Variants in ACO2 observed in about 807,000 individuals in gnomAD.
The protein encoded by ACO2 is aconitate hydratase, mitochondrial.
In ACO2, 31 loss-of-function variants were observed where a neutral mutation model predicts 84.5. The observed-to-expected ratio is 0.37, with a 90% CI of 0.28 to 0.50. The LOEUF (loss-of-function observed/expected upper bound fraction) is 0.50. ACO2 is among the 20% of genes least tolerant of loss of function. The probability of loss-of-function intolerance (pLI) is 0.97; values close to 1 mark genes in which losing one functional copy is unlikely to be tolerated. For synonymous variants in ACO2, 414 were observed against 412.7 expected, an observed-to-expected ratio of 1.00 and a Z score of -0.04; for missense variants, 685 against 1,029.3, an observed-to-expected ratio of 0.67 and a Z score of 4.58.
chr22:41,501,437 C>A (rs1054618474), intron 2 of ACO2, among the ~76,000 whole-genome samples: 1 of 152,288 alleles, frequency 6.6e-6, no homozygotes, highest in Middle Eastern at 3.4e-3. Flanking sequence ...GAATAAGGTA[C>A]CACAGAGGAT....
chr22:41,502,702 A>C (rs1280260532), intron 2 of ACO2, among the ~76,000 whole-genome samples: 1 of 152,106 alleles, frequency 6.6e-6, no homozygotes, highest in Non-Finnish European at 1.5e-5. Flanking sequence ...TCCACCTCCC[A>C]GGCTCAAGCG....
intron 4 of ACO2, among the ~76,000 whole-genome samples, chr22:41,512,800 G>C (rs555213652): frequency 6.6e-6 from 1 of 152,282 alleles, no homozygotes; most frequent in African/African-American, 2.4e-5. Flanking sequence ...TCCTGGGGAG[G>C]TGGGTGCTTC....
chr22:41,512,361 A>G (rs1396490249), intron 4 of ACO2: 8 of 182,794 alleles, frequency 4.4e-5, no homozygotes, highest in Non-Finnish European at 9.1e-5. Flanking sequence ...ATGAGCCCAT[A>G]CTGTGTCTCA....
chr22:41,525,476 G>A, intron 14 of ACO2, 128 bp downstream of exon 14: 2 of 1,224,816 alleles, frequency 1.6e-6, no homozygotes, highest in East Asian at 2.5e-5. Context: ...TGGAAGGGAG[G>A]TTTGGCTGCA....
chr22:41,506,920 G>T, intron 2 of ACO2, among the ~76,000 whole-genome samples: 1 of 151,964 alleles, frequency 6.6e-6, no homozygotes, highest in Admixed American at 6.5e-5. Flanking sequence ...TGTGGGTGCA[G>T]CCGGGAGTCA....
At chr22:41,481,103 C>T (rs2038082015) in intron 1 of ACO2, among the ~76,000 whole-genome samples, 1 of 152,084 alleles carries the variant, frequency 6.6e-6, no homozygotes, top group Non-Finnish European at 1.5e-5. Flanking sequence ...TGAGCCATTA[C>T]CCTCGGCCAA....
At chr22:41,494,083 G>A (rs202612) in intron 1 of ACO2, among the ~76,000 whole-genome samples, 2,573 of 152,322 alleles carry the variant, frequency 0.017, 80 homozygotes, top group African/African-American at 0.057. Context: ...ACTGGATGTT[G>A]GGAACAGACA....
At chr22:41,527,564 G>C in intron 16 of ACO2, 144 bp downstream of exon 16, 4 of 1,188,438 alleles carry the variant, frequency 3.4e-6, no homozygotes, top group Non-Finnish European at 4.7e-6. Flanking sequence ...CCCTTCTTAG[G>C]CTCACACAGT....
chr22:41,469,324 G>T (rs777485981), intron 1 of ACO2, 142 bp downstream of exon 1: 2 of 1,017,052 alleles, frequency 2.0e-6, no homozygotes, highest in Non-Finnish European at 2.8e-6. Context: ...CCCGGCACCC[G>T]TGCCCGCTTC....
At chr22:41,508,131 G>T in intron 3 of ACO2, 82 bp downstream of exon 3, 3 of 1,498,350 alleles carry the variant, frequency 2.0e-6, no homozygotes, top group Middle Eastern at 1.8e-4. Flanking sequence ...GCAAACCAGG[G>T]CATTGCCTCC....
chr22:41,481,092 A>G (rs1219307228), intron 1 of ACO2, among the ~76,000 whole-genome samples: 4 of 152,126 alleles, frequency 2.6e-5, no homozygotes, highest in African/African-American at 9.7e-5. Context: ...GATTACAGGC[A>G]TGAGCCATTA....
At chr22:41,498,325 A>AT (rs1284754224) in intron 1 of ACO2, among the ~76,000 whole-genome samples, 1 of 152,138 alleles carries the variant, frequency 6.6e-6, no homozygotes, top group Non-Finnish European at 1.5e-5. Context: ...AAAAAAAAAA[A>AT]TTAACTAATA....
At chr22:41,501,639 C>G (rs1311784040) in intron 2 of ACO2, among the ~76,000 whole-genome samples, 1 of 152,134 alleles carries the variant, frequency 6.6e-6, no homozygotes, top group African/African-American at 2.4e-5. Flanking sequence ...TGGGAGAGAA[C>G]AAATCTGAGT....
intron 12 of ACO2, 131 bp downstream of exon 12, chr22:41,524,072 C>A: frequency 1.4e-6 from 1 of 738,618 alleles, no homozygotes; most frequent in Non-Finnish European, 2.3e-6. Context: ...CCTTCCCAGC[C>A]TCAGGCGCAT....
chr22:41,512,173 AT>A (rs2066438294), intron 4 of ACO2: 1 of 495,150 alleles, frequency 2.0e-6, no homozygotes, highest in Admixed American at 4.1e-5. Flanking sequence ...AGAAGTTAAA[AT>A]AATACCTCCT....
chr22:41,499,913 C>G, intron 2 of ACO2, 51 bp downstream of exon 2: 1 of 1,600,710 alleles, frequency 6.2e-7, no homozygotes, highest in Non-Finnish European at 8.5e-7. Flanking sequence ...GCGTCTGCTG[C>G]CTGCCCGTCA....
intron 1 of ACO2, among the ~76,000 whole-genome samples, chr22:41,472,771 C>A (rs145393859): frequency 2.0e-4 from 30 of 152,186 alleles, no homozygotes; most frequent in Non-Finnish European, 3.2e-4. Flanking sequence ...TTTTGAAAAA[C>A]CACATTTATT....
At position 41,515,947 on chromosome 22, in the gene ACO2, C is replaced by A; in HGVS notation, c.835+30C>A. The A allele has an allele frequency of 6.2e-7, 1 of 1,602,768 alleles. No homozygotes were observed. Among genetic ancestry groups the A allele is most frequent in the South Asian group, 1.1e-5 (1 of 89,606 alleles). The stretch of plus-strand genomic sequence containing the variant: ...GGAAGGCGGCCAGGCGACGTGGCCC[C>A]TACCCTGTGCTGGGCCTGATGGGTC... On this transcript the variant is annotated intron_variant, in intron 6 of 17. Coordinates refer to ENST00000216254, the MANE Select transcript of ACO2 (RefSeq NM_001098.3). This position sits in a 1 kb window ranked among gnomAD's most constrained non-coding sequence, Gnocchi z 5.8.
chr22:41,527,192 C>T lies in ACO2; in HGVS notation c.1954-96C>T. 3.8e-6 allele frequency: 6 copies of T among 1,586,168 alleles called. 1 individual carries two copies. The highest frequency in any genetic ancestry group is 3.4e-5 in the South Asian group (3 of 89,140). The stretch of plus-strand genomic sequence containing the variant: ...CCCTTTACCGGGAGCCTCAGGATGC[C>T]CAGGCGCCAGGTGGGTGAGGCCAGG... On this transcript the variant is annotated intron_variant, in intron 15 of 17. Transcript: ENST00000216254.
Sources: allele counts gnomAD v4.1 joint callset (sites outside exome capture counted in the v4.1 genomes callset), GRCh38; gene constraint gnomAD v4.1.1; non-coding constraint Gnocchi (gnomAD v3.1); transcripts MANE v1.5; gene names NCBI Gene and HGNC (gene_info 2026-07-23, HGNC 2026-07-21).